The following LRP1B variants were observed in gnomAD, a reference collection of about 807,000 sequenced individuals.
LRP1B encodes the protein LDL receptor related protein 1B, also known as low-density lipoprotein receptor-related protein 1B.
A neutral mutation model predicts 556.6 loss-of-function variants in LRP1B; 217 were observed. That is an observed-to-expected ratio of 0.39 (90% CI 0.35 to 0.44). The LOEUF (loss-of-function observed/expected upper bound fraction) is 0.44, where lower values mean the gene tolerates loss of function less well. Ranked by LOEUF, LRP1B falls within the 20% of genes least tolerant of loss-of-function variation. The probability of loss-of-function intolerance (pLI) is 1.00; values close to 1 mark genes in which losing one functional copy is unlikely to be tolerated. For missense variants in LRP1B, 5,053 were observed against 5,620.8 expected (o/e 0.90, Z 3.23); for synonymous variants, 2,047 against 1,865.8 (o/e 1.10, Z -2.50).
chr2:140,398,678 C>T (rs1684361323), intron 66 of LRP1B, among the ~76,000 whole-genome samples: 1 of 152,160 alleles, frequency 6.6e-6, no homozygotes, highest in African/African-American at 2.4e-5. Context: ...TGGCACACAT[C>T]ACTATGCCAA....
chr2:141,942,739 C>G (rs1225351202), intron 1 of LRP1B, among the ~76,000 whole-genome samples: 1 of 152,118 alleles, frequency 6.6e-6, no homozygotes, highest in Non-Finnish European at 1.5e-5. Context: ...ATTTACTAAG[C>G]AACAGGTCTT....
chr2:140,800,862 C>T (rs865875512), intron 32 of LRP1B, among the ~76,000 whole-genome samples: 1 of 152,044 alleles, frequency 6.6e-6, no homozygotes, highest in East Asian at 1.9e-4. Flanking sequence ...TACATCTTTC[C>T]TCTTACTCAT....
chr2:140,290,229 TA>T (rs1683319597), intron 84 of LRP1B, among the ~76,000 whole-genome samples: 1 of 151,790 alleles, frequency 6.6e-6, no homozygotes, highest in Non-Finnish European at 1.5e-5. Flanking sequence ...GAAGACAAAG[TA>T]GGGGGATTAA....
intron 1 of LRP1B, among the ~76,000 whole-genome samples, chr2:141,907,026 T>C (rs1340009462): frequency 6.6e-6 from 1 of 151,988 alleles, no homozygotes; most frequent in African/African-American, 2.4e-5. Context: ...TATAGAGGGA[T>C]GTGTGCAGTT....
intron 7 of LRP1B, among the ~76,000 whole-genome samples, chr2:141,151,523 G>A (rs1421917240): frequency 6.6e-6 from 1 of 152,062 alleles, no homozygotes; most frequent in Non-Finnish European, 1.5e-5. Flanking sequence ...CTTGTTCATA[G>A]ATTATGAAGA....
chr2:140,491,884 TG>T (rs1220622987), intron 57 of LRP1B, among the ~76,000 whole-genome samples: 1 of 152,174 alleles, frequency 6.6e-6, no homozygotes, highest in Non-Finnish European at 1.5e-5. Context: ...GTAAACCTCC[TG>T]GCTATTCAGG....
chr2:140,737,476 C>T (rs1308229666), intron 35 of LRP1B, among the ~76,000 whole-genome samples: 1 of 152,164 alleles, frequency 6.6e-6, no homozygotes, highest in Non-Finnish European at 1.5e-5. Context: ...TGTGGGCTCA[C>T]TGGATTCACA....
At position 141,015,682 on chromosome 2, in the gene LRP1B, C is replaced by T. The variant is rs1411969138; in HGVS notation, c.2190+14G>A. 1 of 1,587,956 alleles carries T rather than the reference C, an allele frequency of 6.3e-7. No homozygotes were observed. The highest frequency in any genetic ancestry group is 1.3e-5 in the African/African-American group (1 of 74,324). ...GAAGCCTGTGGGTTAAAAACAGCAG[C>T]ATTTGTCTTTTACCTTCCTGTGAGT... On this transcript the variant is annotated intron_variant, in intron 13 of 90. Coordinates refer to ENST00000389484, the MANE Select transcript of LRP1B (RefSeq NM_018557.3).
At chr2:141,517,812 A>G (rs1373838449) in intron 2 of LRP1B, among the ~76,000 whole-genome samples, 1 of 152,202 alleles carries the variant, frequency 6.6e-6, no homozygotes, top group Non-Finnish European at 1.5e-5. Context: ...GACAGGAACT[A>G]TTATAATAAA....
At chr2:141,090,774 A>T (rs2104909424) in intron 7 of LRP1B, among the ~76,000 whole-genome samples, 1 of 152,276 alleles carries the variant, frequency 6.6e-6, no homozygotes. Context: ...CACTTTTTTT[A>T]AAGGTTCATT....
At chr2:140,710,835 C>A (rs1224691716) in intron 37 of LRP1B, among the ~76,000 whole-genome samples, 1 of 151,984 alleles carries the variant, frequency 6.6e-6, no homozygotes, top group Non-Finnish European at 1.5e-5. Context: ...TCCTGTGTAA[C>A]AACAGAAGCT....
intron 18 of LRP1B, among the ~76,000 whole-genome samples, chr2:140,974,790 T>A (rs2105333974): frequency 6.6e-6 from 1 of 152,318 alleles, no homozygotes; most frequent in East Asian, 1.9e-4. Flanking sequence ...AACCATTTCA[T>A]ATAATAGGGG....
intron 1 of LRP1B, among the ~76,000 whole-genome samples, chr2:141,862,565 T>C (rs1322684700): frequency 6.6e-6 from 1 of 152,110 alleles, no homozygotes; most frequent in Non-Finnish European, 1.5e-5. Flanking sequence ...TGCACCACTA[T>C]GCCTGGCTAA....
intron 3 of LRP1B, chr2:141,286,699 G>A (rs1685734473): frequency 4.5e-6 from 2 of 445,230 alleles, no homozygotes; most frequent in East Asian, 7.1e-5. Context: ...ATTTCATCTG[G>A]AGTTAGTTTT....
At position 140,461,840 on chromosome 2, in the gene LRP1B, T is replaced by TA. The variant is rs200954050; in HGVS notation, c.9626-4190dup. On this transcript the variant is annotated intron_variant, in intron 60 of 90. Transcript: ENST00000389484. ...CAGAGCAAGACTCCATCTCAAAAAA[T>TA]AAAAAAAAAATAAAAGGTTATAAAG... Among the ~76,000 whole-genome samples, 500 of 146,448 alleles carry TA rather than the reference T, an allele frequency of 3.4e-3. 17 individuals are homozygous for TA. The East Asian group carries it at 0.081, about 24-fold the overall frequency.
intron 14 of LRP1B, among the ~76,000 whole-genome samples, chr2:141,009,092 A>G (rs189757386): frequency 4.9e-4 from 74 of 152,032 alleles, no homozygotes; most frequent in Middle Eastern, 6.8e-3. Context: ...CTCCTTTTCT[A>G]TATGTGTCCT....
intron 66 of LRP1B, among the ~76,000 whole-genome samples, chr2:140,424,897 C>T (rs1027514264): frequency 6.6e-6 from 1 of 152,146 alleles, no homozygotes; most frequent in Non-Finnish European, 1.5e-5. Context: ...CCATTTTTAA[C>T]AAAAAGCTGG....
intron 7 of LRP1B, among the ~76,000 whole-genome samples, chr2:141,077,564 A>G (rs1699819581): frequency 6.6e-6 from 1 of 152,178 alleles, no homozygotes; most frequent in Non-Finnish European, 1.5e-5. Context: ...TCGTGTCTAT[A>G]GTCGGCTGCC....
intron 1 of LRP1B, among the ~76,000 whole-genome samples, chr2:142,016,473 A>G (rs1703133427): frequency 6.6e-6 from 1 of 152,220 alleles, no homozygotes; most frequent in Non-Finnish European, 1.5e-5. Flanking sequence ...TGTGGCACAT[A>G]TACACAATAG....
Sources: gnomAD v4.1 joint callset for allele counts (sites outside exome capture counted in the v4.1 genomes callset) on GRCh38, gnomAD v4.1.1 for gene constraint, MANE v1.5 for transcripts, NCBI Gene and HGNC (gene_info 2026-07-23, HGNC 2026-07-21) for gene names.